The following ST7 variants were observed in gnomAD, a reference collection of about 807,000 sequenced individuals.
The protein encoded by ST7 is suppression of tumorigenicity 7.
In ST7, 28 loss-of-function variants were observed where a neutral mutation model predicts 78.7. The observed-to-expected ratio is 0.36, with a 90% CI of 0.26 to 0.49. The LOEUF (loss-of-function observed/expected upper bound fraction) is 0.49. ST7 is among the 20% of genes least tolerant of loss of function. The pLI, the probability that ST7 is intolerant of heterozygous loss-of-function variation, is 0.99. For missense variants in ST7, 418 were observed against 696.0 expected (o/e 0.60, Z 4.49); for synonymous variants, 247 against 249.6 (o/e 0.99, Z 0.10).
chr7:117,041,669 A>G (rs894100725), intron 1 of ST7, among the ~76,000 whole-genome samples: 1 of 152,166 alleles, frequency 6.6e-6, no homozygotes. Context: ...TCAATAAAGC[A>G]TATTTTGCCT....
At chr7:116,997,766 TA>T (rs1794733190) in intron 1 of ST7, among the ~76,000 whole-genome samples, 1 of 152,030 alleles carries the variant, frequency 6.6e-6, no homozygotes, top group Non-Finnish European at 1.5e-5. Flanking sequence ...TAGCTAGACA[TA>T]AAGGTGCTCC....
intron 1 of ST7, among the ~76,000 whole-genome samples, chr7:117,098,244 C>T (rs1217807045): frequency 6.6e-6 from 1 of 151,698 alleles, no homozygotes; most frequent in Admixed American, 6.6e-5. Context: ...AGTCTCCTAA[C>T]CTCCTCAACC....
chr7:116,963,718 C>T (rs1013036669), intron 1 of ST7, among the ~76,000 whole-genome samples: 7 of 151,220 alleles, frequency 4.6e-5, no homozygotes, highest in Admixed American at 1.3e-4. Context: ...CTGTAAACTC[C>T]GCCTCCTGGG....
intron 9 of ST7, among the ~76,000 whole-genome samples, chr7:117,158,073 G>A (rs919840922): frequency 6.6e-6 from 1 of 152,132 alleles, no homozygotes; most frequent in African/African-American, 2.4e-5. Flanking sequence ...TTAGAGTACA[G>A]AAATTTCCTC....
chr7:116,958,931 G>A (rs1792677144), intron 1 of ST7, among the ~76,000 whole-genome samples: 1 of 152,146 alleles, frequency 6.6e-6, no homozygotes, highest in Non-Finnish European at 1.5e-5. Flanking sequence ...GGTTGTTAAA[G>A]GTTGGGGTAG....
At chr7:117,214,296 G>A (rs767213278) in intron 13 of ST7, among the ~76,000 whole-genome samples, 18 of 151,722 alleles carry the variant, frequency 1.2e-4, no homozygotes, top group Non-Finnish European at 2.2e-4. Context: ...AGATCCCCCC[G>A]CCCCAAAGAA....
At chr7:117,213,747 C>T (rs1196582334) in intron 13 of ST7, among the ~76,000 whole-genome samples, 2 of 152,046 alleles carry the variant, frequency 1.3e-5, no homozygotes, top group African/African-American at 2.4e-5. Flanking sequence ...TTACACAATA[C>T]GTTCCTCAAA....
chr7:117,215,196 A>G (rs905131439), intron 13 of ST7, among the ~76,000 whole-genome samples: 1 of 152,136 alleles, frequency 6.6e-6, no homozygotes, highest in African/African-American at 2.4e-5. Flanking sequence ...CAGCATGTGG[A>G]TCACAACCCA....
intron 15 of ST7, 121 bp downstream of exon 15, chr7:117,222,183 C>A: frequency 1.8e-6 from 2 of 1,122,794 alleles, no homozygotes; most frequent in Non-Finnish European, 2.4e-6. Context: ...AAGATCATTG[C>A]TCACCATTTA....
intron 1 of ST7, among the ~76,000 whole-genome samples, chr7:117,088,360 TC>T (rs1375997099): frequency 1.3e-5 from 2 of 152,224 alleles, no homozygotes; most frequent in Non-Finnish European, 2.9e-5. Context: ...AGTGTCTAGT[TC>T]AGTGTATGAT....
At chr7:117,079,335 G>A (rs1240707204) in intron 1 of ST7, among the ~76,000 whole-genome samples, 1 of 152,176 alleles carries the variant, frequency 6.6e-6, no homozygotes, top group Non-Finnish European at 1.5e-5. Flanking sequence ...TCCACAGGGT[G>A]AGGGGATTCC....
intron 1 of ST7, among the ~76,000 whole-genome samples, chr7:116,996,158 T>G (rs1015024172): frequency 6.7e-6 from 1 of 149,112 alleles, no homozygotes; most frequent in Non-Finnish European, 1.5e-5. Context: ...CTCAGCTCAC[T>G]GCAACCTCCA....
At chr7:117,076,281 G>A (rs1417536038) in intron 1 of ST7, among the ~76,000 whole-genome samples, 1 of 152,196 alleles carries the variant, frequency 6.6e-6, no homozygotes, top group African/African-American at 2.4e-5. Context: ...AAACTATCTT[G>A]ATAAATCTGT....
intron 1 of ST7, among the ~76,000 whole-genome samples, chr7:117,014,314 C>T (rs756108395): frequency 6.1e-4 from 92 of 151,638 alleles, no homozygotes; most frequent in East Asian, 1.2e-3. Context: ...AAAGATGGCT[C>T]AGGGTATGTG....
intron 1 of ST7, among the ~76,000 whole-genome samples, chr7:116,968,748 G>A (rs1793269255): frequency 6.6e-6 from 1 of 152,072 alleles, no homozygotes; most frequent in African/African-American, 2.4e-5. Flanking sequence ...ACCAAAACAA[G>A]GGGATGAGAG....
intron 1 of ST7, chr7:116,955,090 T>A (rs1422376829): frequency 2.1e-6 from 1 of 470,982 alleles, no homozygotes; most frequent in Non-Finnish European, 4.4e-6. Context: ...AGACCATGGC[T>A]TTCTCGCTTT....
At chr7:117,200,742 C>A (rs184107524) in intron 12 of ST7, among the ~76,000 whole-genome samples, 1 of 150,028 alleles carries the variant, frequency 6.7e-6, no homozygotes, top group Non-Finnish European at 1.5e-5. Flanking sequence ...TCTGGGAGTG[C>A]GGGAAGTCAA....
At chr7:117,176,887 G>A (rs190126935) in intron 10 of ST7, among the ~76,000 whole-genome samples, 19 of 152,280 alleles carry the variant, frequency 1.2e-4, no homozygotes, top group African/African-American at 4.6e-4. Flanking sequence ...AGAAGATTTG[G>A]TATGCTGTCA....
chr7:116,972,067 A>G, intron 1 of ST7: 1 of 488,494 alleles, frequency 2.0e-6, no homozygotes, highest in South Asian at 1.7e-5. Flanking sequence ...CCTTCCAGTT[A>G]AAGATCAGTC....
Sources: gnomAD v4.1 joint callset for allele counts (sites outside exome capture counted in the v4.1 genomes callset) on GRCh38, gnomAD v4.1.1 for gene constraint, MANE v1.5 for transcripts, NCBI Gene and HGNC (gene_info 2026-07-23, HGNC 2026-07-21) for gene names.